ARHGAP25: variants seen among roughly 807,000 people sequenced by gnomAD.
ARHGAP25 encodes Rho GTPase activating protein 25.
Under a neutral mutation model 71.0 loss-of-function variants are expected in ARHGAP25, and 34 were observed. The observed-to-expected ratio is 0.48, with a 90% confidence interval of 0.36 to 0.64. The LOEUF is 0.64. Among genes scored for constraint, ARHGAP25 ranks in the 30% least tolerant of loss-of-function variants. The pLI is 0.00. For missense variants in ARHGAP25, 706 were observed against 805.1 expected (o/e 0.88, Z 1.49); for synonymous variants, 282 against 296.5 (o/e 0.95, Z 0.50).
At chr2:68,737,055 A>G (rs1036262804) in intron 1 of ARHGAP25, among the ~76,000 whole-genome samples, 5 of 152,208 alleles carry the variant, frequency 3.3e-5, no homozygotes, top group African/African-American at 1.2e-4. Flanking sequence ...ACTTAATGAA[A>G]AAATAATAAT....
At chr2:68,756,434 T>A (rs1676485677) in intron 1 of ARHGAP25, among the ~76,000 whole-genome samples, 1 of 152,246 alleles carries the variant, frequency 6.6e-6, no homozygotes, top group Non-Finnish European at 1.5e-5. Flanking sequence ...TCCAGGGGAT[T>A]TAAAGAGCTT....
intron 4 of ARHGAP25, among the ~76,000 whole-genome samples, chr2:68,788,298 G>T (rs1407814832): frequency 6.6e-6 from 1 of 152,222 alleles, no homozygotes; most frequent in Non-Finnish European, 1.5e-5. Flanking sequence ...TGAATGGGTT[G>T]GATAAGCTGA....
intron 8 of ARHGAP25, among the ~76,000 whole-genome samples, chr2:68,818,903 C>T (rs1411952165): frequency 6.6e-6 from 1 of 152,236 alleles, no homozygotes; most frequent in Non-Finnish European, 1.5e-5. Context: ...TCTGAAACAG[C>T]TCCCTCTTTT....
At chr2:68,768,837 G>T (rs1335977809) in intron 1 of ARHGAP25, among the ~76,000 whole-genome samples, 1 of 152,162 alleles carries the variant, frequency 6.6e-6, no homozygotes, top group Non-Finnish European at 1.5e-5. Flanking sequence ...TCACCTGCCT[G>T]TTCAAACTGG....
chr2:68,713,410 C>T (rs563861963), intron 2 of ARHGAP25, among the ~76,000 whole-genome samples: 104 of 152,254 alleles, frequency 6.8e-4, no homozygotes, highest in Non-Finnish European at 9.7e-4. Flanking sequence ...GGGGCTGAGA[C>T]GATGGGGTTT....
chr2:68,823,215 G>A (rs900617488), intron 10 of ARHGAP25, among the ~76,000 whole-genome samples: 6 of 151,886 alleles, frequency 4.0e-5, no homozygotes, highest in African/African-American at 9.7e-5. Flanking sequence ...AATATTCCTC[G>A]AGCCCCTCCT....
intron 4 of ARHGAP25, among the ~76,000 whole-genome samples, chr2:68,794,438 G>A (rs78965590): frequency 0.016 from 2,363 of 152,212 alleles, 57 homozygotes; most frequent in African/African-American, 0.054. Flanking sequence ...TTTGAGGCAC[G>A]TTCCTCCTAT....
At chr2:68,758,932 A>G (rs1038587482) in intron 1 of ARHGAP25, among the ~76,000 whole-genome samples, 4 of 151,982 alleles carry the variant, frequency 2.6e-5, no homozygotes, top group African/African-American at 9.7e-5. Context: ...GGATAAAATT[A>G]GAAATTAATA....
chr2:68,774,683 C>A, intron 1 of ARHGAP25: 1 of 944,422 alleles, frequency 1.1e-6, no homozygotes, highest in Non-Finnish European at 1.3e-6. Flanking sequence ...AGGGGGCCTG[C>A]GTTCCACAGC....
intron 1 of ARHGAP25, among the ~76,000 whole-genome samples, chr2:68,763,084 A>G (rs570455752): frequency 6.6e-6 from 1 of 152,378 alleles, no homozygotes; most frequent in South Asian, 2.1e-4. Flanking sequence ...TTTTATGAAA[A>G]AGTAAAATCT....
rs189260631 is a variant in ARHGAP25 at position 68,781,530 on chromosome 2, C to G, written c.262-703C>G. Among the ~76,000 whole-genome samples the G allele has an allele frequency of 1.1e-4, 17 of 152,164 alleles. No individual in the cohort carries two copies. The East Asian group carries it at 3.3e-3, about 29-fold the overall frequency. On this transcript the variant is annotated intron_variant, in intron 2 of 10. Transcript: ENST00000409202. ...CACAAATCCTACTAAACCCTCAGAC[C>G]CCTTCATAGATCTGGGCTTGGTGGT...
chr2:68,716,182 C>T (rs141670277), intron 2 of ARHGAP25, among the ~76,000 whole-genome samples: 121 of 152,290 alleles, frequency 7.9e-4, no homozygotes, highest in Middle Eastern at 3.4e-3. Flanking sequence ...TCCTTACTGC[C>T]ATCTATTTGG....
chr2:68,822,595 A>G lies in ARHGAP25; in HGVS notation c.1456A>G (p.Thr486Ala), dbSNP rs1440390786. ...EAKAGEGHRR[T>A]MSQDLRQLSD... ...TAAGGCAGGGGAAGGGCACAGGAGA[A>G]CGATGTCTCAAGACTTGCGCCAACT... Residue 486 changes from threonine to alanine, a missense_variant, in exon 10 of 11, where the codon ACG becomes GCG. By Grantham distance (58) the Thr-to-Ala change is moderately conservative (BLOSUM62 0). Coordinates refer to ENST00000409202, the MANE Select transcript of ARHGAP25 (RefSeq NM_001007231.3). 1 of 1,614,054 alleles carries G rather than the reference A, an allele frequency of 6.2e-7. No individual in the cohort carries two copies. The highest frequency in any genetic ancestry group is 2.2e-5 in the East Asian group (1 of 44,898).
intron 2 of ARHGAP25, chr2:68,710,723 G>A (rs1674461134): frequency 6.6e-6 from 1 of 152,130 alleles, no homozygotes; most frequent in South Asian, 2.1e-4. Flanking sequence ...CTTCTCAGAA[G>A]GTCAGAGTCC....
chr2:68,823,755 C>T (rs1446918885), intron 10 of ARHGAP25, among the ~76,000 whole-genome samples: 1 of 152,174 alleles, frequency 6.6e-6, no homozygotes, highest in Non-Finnish European at 1.5e-5. Flanking sequence ...TCCCATTGAG[C>T]ACCGGCTGCA....
chr2:68,807,017 G>T (rs1486142457), intron 4 of ARHGAP25, among the ~76,000 whole-genome samples: 2 of 152,150 alleles, frequency 1.3e-5, no homozygotes, highest in African/African-American at 4.8e-5. Flanking sequence ...CCTAGCAAAA[G>T]AATTCAGTAA....
intron 3 of ARHGAP25, among the ~76,000 whole-genome samples, chr2:68,786,810 C>T (rs1326452403): frequency 1.3e-5 from 2 of 152,364 alleles, no homozygotes; most frequent in East Asian, 3.9e-4. Flanking sequence ...TCAGCTAGAA[C>T]AAGCTCTCTG....
intron 4 of ARHGAP25, among the ~76,000 whole-genome samples, chr2:68,789,845 C>T (rs80275456): frequency 0.057 from 8,654 of 152,144 alleles, 328 homozygotes; most frequent in East Asian, 0.15. Context: ...TCACCCTCAC[C>T]GCACCCCGAG....
intron 1 of ARHGAP25, among the ~76,000 whole-genome samples, chr2:68,771,567 T>C (rs1415451126): frequency 6.6e-6 from 1 of 152,230 alleles, no homozygotes; most frequent in African/African-American, 2.4e-5. Flanking sequence ...TCTTCTCTGC[T>C]ATTTTAATGA....
Sources: allele counts gnomAD v4.1 joint callset (sites outside exome capture counted in the v4.1 genomes callset), GRCh38; gene constraint gnomAD v4.1.1; transcripts MANE v1.5; gene names NCBI Gene and HGNC (gene_info 2026-07-23, HGNC 2026-07-21).